CACNA1C: variants seen among roughly 807,000 people sequenced by gnomAD.
CACNA1C encodes calcium voltage-gated channel subunit alpha1 C.
In CACNA1C, 30 loss-of-function variants were observed where a neutral mutation model predicts 229.0. That is an observed-to-expected ratio of 0.13 (90% CI 0.10 to 0.18). The LOEUF (loss-of-function observed/expected upper bound fraction) is 0.18, where lower values mean the gene tolerates loss of function less well. Among genes scored for constraint, CACNA1C ranks in the 10% least tolerant of loss-of-function variants. The pLI is 1.00. For missense variants in CACNA1C, 1,658 were observed against 2,845.0 expected, an observed-to-expected ratio of 0.58 and a Z score of 9.49; for synonymous variants, 1,114 against 1,132.5, an observed-to-expected ratio of 0.98 and a Z score of 0.33.
At position 1,972,679 on chromosome 12, in the gene CACNA1C, A is replaced by G. The variant is rs142301540; in HGVS notation, c.139+1478A>G. On this transcript the variant is annotated intron_variant, in intron 1 of 46. Coordinates refer to the CACNA1C transcript ENST00000682462. ...TCTCCCAGCCTTTCAAATGAAATACATGAAGCATTCAAATTTGTTTTTACA... is the reference window on the plus strand; with the variant it reads ...TCTCCCAGCCTTTCAAATGAAATACGTGAAGCATTCAAATTTGTTTTTACA... Among the ~76,000 whole-genome samples, 9 of 152,314 alleles carry G rather than the reference A, an allele frequency of 5.9e-5. No individual in the cohort carries two copies. The East Asian group carries it at 1.7e-3, about 29-fold the overall frequency.
At chr12:2,321,262 T>G (rs2095982089) in intron 3 of CACNA1C, among the ~76,000 whole-genome samples, 1 of 151,900 alleles carries the variant, frequency 6.6e-6, no homozygotes, top group Non-Finnish European at 1.5e-5. Context: ...TCACCTTGGC[T>G]CCTCCTTTGT....
intron 3 of CACNA1C, among the ~76,000 whole-genome samples, chr12:2,122,022 G>A (rs943665270): frequency 2.6e-5 from 4 of 152,164 alleles, no homozygotes; most frequent in Admixed American, 2.6e-4. Flanking sequence ...GGAGGATTAA[G>A]GGAGCCACTT....
intron 5 of CACNA1C, among the ~76,000 whole-genome samples, chr12:2,484,742 A>G (rs533003166): frequency 1.5e-5 from 2 of 133,440 alleles, no homozygotes; most frequent in South Asian, 2.5e-4. Flanking sequence ...GCCGCTTTGC[A>G]GTTCAGTTTT....
At chr12:2,228,904 G>A (rs1468132947) in intron 3 of CACNA1C, among the ~76,000 whole-genome samples, 2 of 152,150 alleles carry the variant, frequency 1.3e-5, no homozygotes, top group Non-Finnish European at 2.9e-5. Flanking sequence ...GTGAGTGATT[G>A]AGATGGAGTA....
At position 2,675,614 on chromosome 12, in the gene CACNA1C, A is replaced by AAAG. The variant is rs200814642; in HGVS notation, c.4828+973_4828+975dup. On this transcript the variant is annotated intron_variant, in intron 39 of 46. Transcript: ENST00000399655. Reference sequence around the variant, plus strand: ...TCTCTTGGCCAAGTTTAAATAATCCAAAGTATAGTTTTCCTCAATTTACAC... The same window carrying AAAG: ...TCTCTTGGCCAAGTTTAAATAATCCAAAGAAGTATAGTTTTCCTCAATTTACAC... Among the ~76,000 whole-genome samples the AAAG allele has an allele frequency of 8.8e-3, 1,347 of 152,312 alleles. 21 individuals carry two copies. The highest frequency in any genetic ancestry group is 0.031 in the African/African-American group (1,268 of 41,564).
chr12:2,461,584 C>T (rs1320147126), intron 5 of CACNA1C, among the ~76,000 whole-genome samples: 3 of 152,186 alleles, frequency 2.0e-5, no homozygotes, highest in Non-Finnish European at 2.9e-5. Flanking sequence ...TACCTGCCGA[C>T]TCCGTTCCTC....
At chr12:2,367,956 C>T (rs1351552440) in intron 3 of CACNA1C, among the ~76,000 whole-genome samples, 1 of 151,688 alleles carries the variant, frequency 6.6e-6, no homozygotes, top group African/African-American at 2.4e-5. Flanking sequence ...TATATATGTA[C>T]ACAGATGAAA....
At chr12:2,530,951 G>A (rs946156543) in intron 9 of CACNA1C, among the ~76,000 whole-genome samples, 6 of 152,200 alleles carry the variant, frequency 3.9e-5, no homozygotes, top group African/African-American at 1.4e-4. Context: ...ACCTTTAGAC[G>A]CACAGCAAGG....
intron 29 of CACNA1C, 46 bp downstream of exon 29, chr12:2,612,059 A>G (rs371491884): frequency 3.4e-6 from 4 of 1,166,410 alleles, no homozygotes; most frequent in Admixed American, 3.4e-5. Context: ...TCAGGGGTGG[A>G]CAGAACGGGG....
chr12:2,182,934 G>A (rs969154843), intron 3 of CACNA1C, among the ~76,000 whole-genome samples: 2 of 152,212 alleles, frequency 1.3e-5, no homozygotes, highest in Non-Finnish European at 2.9e-5. Flanking sequence ...TAGTCCACCG[G>A]ATGCCAGGTA....
intron 7 of CACNA1C, among the ~76,000 whole-genome samples, chr12:2,499,804 AT>A (rs573591667): frequency 0.018 from 2,680 of 147,784 alleles, 75 homozygotes; most frequent in African/African-American, 0.058. Flanking sequence ...AATCTGGGTC[AT>A]TTTTTTTTTT....
chr12:2,438,161 AGTG>A lies in CACNA1C; in HGVS notation c.478-10801_478-10799del, dbSNP rs747777933. Among the ~76,000 whole-genome samples the A allele has an allele frequency of 3.4e-3, 182 of 54,002 alleles. 2 individuals carry two copies. The highest frequency in any genetic ancestry group is 0.016 in the South Asian group (17 of 1,050). 35.4% of individuals were successfully genotyped at this position (54,002 alleles called of 152,430 possible). ...TGGTAATGGTGATAGTGGGGATGGT[AGTG>A]GTGGTGGTGGTGGGGATGGTGGGAT... is the stretch of plus-strand genomic sequence containing the variant. On this transcript the variant is annotated intron_variant, in intron 3 of 46. Coordinates refer to ENST00000399655, the MANE Select transcript of CACNA1C (RefSeq NM_000719.7).
chr12:2,093,444 T>C (rs2072292042), intron 1 of CACNA1C, among the ~76,000 whole-genome samples: 1 of 152,190 alleles, frequency 6.6e-6, no homozygotes, highest in African/African-American at 2.4e-5. Flanking sequence ...AGAAGTTACA[T>C]GGATATAAGA....
In CACNA1C at chr12:2,465,407, T is replaced by C. The variant is rs2099544082; in HGVS notation, c.757+7701T>C. Among the ~76,000 whole-genome samples, 4 of 152,208 alleles carry C rather than the reference T, an allele frequency of 2.6e-5. No individual in the cohort carries two copies. The South Asian group carries it at 8.3e-4, about 32-fold the overall frequency. On this transcript the variant is annotated intron_variant, in intron 5 of 46. Transcript: ENST00000399655. ...CTGAAAAGTTTTATGAAGGAGGACA[T>C]ACCGGAGATAAGCCCTGAGGTTTAT...
rs1360814897 is a variant in CACNA1C, at chr12:2,079,244, C to T, written c.49+25633C>T. On this transcript the variant is annotated intron_variant, in intron 1 of 46. Coordinates refer to ENST00000399655, the MANE Select transcript of CACNA1C (RefSeq NM_000719.7). ...TGTATACATATGTGACAAACCTGCACGTTGTGCACATGTACCCTAAAACTT... is the reference window on the plus strand; with the variant it reads ...TGTATACATATGTGACAAACCTGCATGTTGTGCACATGTACCCTAAAACTT... Among the ~76,000 whole-genome samples, 6 of 151,950 alleles carry T rather than the reference C, an allele frequency of 3.9e-5. No individual in the cohort carries two copies. In the South Asian group the frequency reaches 8.3e-4, roughly 21 times the overall value.
intron 5 of CACNA1C, among the ~76,000 whole-genome samples, chr12:2,478,112 G>T (rs1190512978): frequency 2.6e-5 from 4 of 152,112 alleles, no homozygotes; most frequent in Admixed American, 1.3e-4. Context: ...AGAATAAAAG[G>T]GCAGAGAGAA....
intron 3 of CACNA1C, among the ~76,000 whole-genome samples, chr12:2,411,756 G>C (rs2154553633): frequency 6.6e-6 from 1 of 152,346 alleles, no homozygotes. Flanking sequence ...CAGCGCTGCT[G>C]TCTGTCCACC....
intron 10 of CACNA1C, among the ~76,000 whole-genome samples, chr12:2,550,932 G>A (rs1233957446): frequency 6.6e-6 from 1 of 152,220 alleles, no homozygotes; most frequent in African/African-American, 2.4e-5. Flanking sequence ...CTCTGACACT[G>A]GCACCAGGGA....
intron 3 of CACNA1C, among the ~76,000 whole-genome samples, chr12:2,220,344 C>T (rs1456471016): frequency 6.6e-6 from 1 of 152,126 alleles, no homozygotes; most frequent in Non-Finnish European, 1.5e-5. Flanking sequence ...TGTGATACAC[C>T]AGCTACAGTG....
Sources: allele counts gnomAD v4.1 joint callset (sites outside exome capture counted in the v4.1 genomes callset), GRCh38; gene constraint gnomAD v4.1.1; transcripts MANE v1.5; gene names NCBI Gene and HGNC (gene_info 2026-07-23, HGNC 2026-07-21).